Variants in MICAL2 observed in about 807,000 individuals in gnomAD.
MICAL2 encodes the protein microtubule associated monooxygenase, calponin and LIM domain containing 2, also known as [F-actin]-monooxygenase MICAL2.
In MICAL2, 77 loss-of-function variants were observed where a neutral mutation model predicts 127.3. The ratio of observed to expected loss-of-function variants is 0.60; its 90% CI spans 0.50 to 0.73. The LOEUF (loss-of-function observed/expected upper bound fraction) is 0.73, where lower values mean the gene tolerates loss of function less well. Among genes scored for constraint, MICAL2 ranks in the 30% least tolerant of loss-of-function variants. The pLI, the probability that MICAL2 is intolerant of heterozygous loss-of-function variation, is 0.00. For missense variants in MICAL2, 1,351 were observed against 1,434.4 expected, an observed-to-expected ratio of 0.94 and a Z score of 0.94; for synonymous variants, 570 against 551.1, an observed-to-expected ratio of 1.03 and a Z score of -0.48.
At chr11:12,141,274 C>T (rs966919197) in intron 2 of MICAL2, among the ~76,000 whole-genome samples, 1 of 152,174 alleles carries the variant, frequency 6.6e-6, no homozygotes, top group Non-Finnish European at 1.5e-5. Context: ...GGGCGAGTCA[C>T]AGAACCTCAG....
At chr11:12,175,332 C>G (rs1396069183) in intron 3 of MICAL2, among the ~76,000 whole-genome samples, 1 of 151,910 alleles carries the variant, frequency 6.6e-6, no homozygotes, top group Non-Finnish European at 1.5e-5. Flanking sequence ...AAAAATTAGC[C>G]AGGCGTGGTG....
chr11:12,352,951 C>T (rs753973528), intron 33 of MICAL2, among the ~76,000 whole-genome samples: 30 of 152,162 alleles, frequency 2.0e-4, no homozygotes, highest in African/African-American at 9.7e-5. Flanking sequence ...CCTCTCTGCC[C>T]AGTCTGCATG....
intron 3 of MICAL2, among the ~76,000 whole-genome samples, chr11:12,163,360 G>A (rs1294979564): frequency 1.3e-5 from 2 of 152,222 alleles, no homozygotes; most frequent in Non-Finnish European, 2.9e-5. Flanking sequence ...CCTCACAGGA[G>A]GTAGCTCAGC....
chr11:12,156,117 A>C (rs905011425), intron 2 of MICAL2, among the ~76,000 whole-genome samples: 2 of 152,230 alleles, frequency 1.3e-5, no homozygotes, highest in African/African-American at 4.8e-5. Flanking sequence ...CAGGGCCTGC[A>C]GTGGACCTGG....
At chr11:12,347,733 A>G (rs1053720424) in intron 32 of MICAL2, among the ~76,000 whole-genome samples, 17 of 152,244 alleles carry the variant, frequency 1.1e-4, no homozygotes, top group African/African-American at 4.1e-4. Context: ...TAGAAATTAT[A>G]TAACGTATAC....
At chr11:12,139,804 T>C (rs1852176723) in intron 2 of MICAL2, among the ~76,000 whole-genome samples, 1 of 152,280 alleles carries the variant, frequency 6.6e-6, no homozygotes, top group South Asian at 2.1e-4. Flanking sequence ...TTGTCTGAAA[T>C]GTGTAGGGAG....
At chr11:12,306,130 T>G (rs1364381665) in intron 29 of MICAL2, among the ~76,000 whole-genome samples, 2 of 152,198 alleles carry the variant, frequency 1.3e-5, no homozygotes, top group Admixed American at 1.3e-4. Flanking sequence ...AACACATACA[T>G]GTAATAGGAG....
In MICAL2 at chr11:12,209,530, A is replaced by G; in HGVS notation, c.623A>G (p.Asp208Gly). Residue 208 changes from aspartate (D) to glycine (G), a missense_variant, in exon 6 of 28, where the codon GAC (aspartate) becomes GGC (glycine). Transcript: ENST00000683283. ...TGGCGGGCAGAATTTCTCCCTACAG[A>G]CCATTCTCTGTCGGAGTTTGAGTTT... is the stretch of plus-strand genomic sequence containing the variant. The part of the protein sequence containing the change: ...IGWRAEFLPT[D>G]HSLSEFEFDV... The G allele has an allele frequency of 6.2e-7, 1 of 1,613,990 alleles. No homozygotes were observed.
At chr11:12,221,817 G>A in intron 10 of MICAL2, 58 bp downstream of exon 10, 3 of 1,414,302 alleles carry the variant, frequency 2.1e-6, no homozygotes, top group Admixed American at 1.7e-5. Context: ...CAGGAAAGGG[G>A]GCAAGATCAC....
intron 31 of MICAL2, among the ~76,000 whole-genome samples, chr11:12,326,227 C>G (rs1864351953): frequency 6.6e-6 from 1 of 152,180 alleles, no homozygotes; most frequent in Non-Finnish European, 1.5e-5. Flanking sequence ...CACAGGCATT[C>G]TGTCTGCCCA....
chr11:12,235,114 A>G (rs1273034637), intron 15 of MICAL2, among the ~76,000 whole-genome samples: 1 of 152,148 alleles, frequency 6.6e-6, no homozygotes, highest in Non-Finnish European at 1.5e-5. Flanking sequence ...GGTAGCAGAG[A>G]GGTCTTACCC....
chr11:12,350,838 T>C (rs752953433), intron 33 of MICAL2, among the ~76,000 whole-genome samples: 4 of 152,202 alleles, frequency 2.6e-5, no homozygotes, highest in Non-Finnish European at 4.4e-5. Context: ...CAGAAATTTA[T>C]TCTCTCACTG....
chr11:12,114,169 C>G (rs1405155307), intron 1 of MICAL2, among the ~76,000 whole-genome samples: 4 of 152,214 alleles, frequency 2.6e-5, no homozygotes, highest in Non-Finnish European at 4.4e-5. Context: ...TTGGCTTCCT[C>G]TCTCTCTTTT....
chr11:12,261,493 G>C (rs1863104336), intron 26 of MICAL2: 2 of 985,476 alleles, frequency 2.0e-6, no homozygotes, highest in Non-Finnish European at 2.4e-6. Flanking sequence ...ACAGCTGCAG[G>C]GTCTGGCTGA....
downstream of MICAL2, chr11:12,293,533 A>G (rs775143156): frequency 1.4e-4 from 214 of 1,544,482 alleles, no homozygotes; most frequent in Non-Finnish European, 1.8e-4. Context: ...ATTTTTAAAT[A>G]ACTGCTATTT....
chr11:12,113,511 G>C (rs1849761598), intron 1 of MICAL2, among the ~76,000 whole-genome samples: 1 of 152,250 alleles, frequency 6.6e-6, no homozygotes, highest in Non-Finnish European at 1.5e-5. Context: ...CACTCTGGAG[G>C]CTTGGCAGGC....
rs182115412 is a variant in MICAL2 at position 12,111,478 on chromosome 11, G to C, written c.-149+752G>C. ...CGCTGCCGGGCCAGACGGGGCAGGT[G>C]GGGTAAATTGTATTCACCGCCAGCC... On this transcript the variant is annotated intron_variant, in intron 1 of 27. Transcript: ENST00000683283. 3.9e-4 allele frequency among the ~76,000 whole-genome samples: 59 copies of C among 152,360 alleles called. 1 individual carries two copies. Among genetic ancestry groups the C allele is most frequent in the South Asian group, 2.1e-3 (10 of 4,832 alleles).
rs112205311 is a variant in MICAL2 at position 12,158,912 on chromosome 11, C to T, written c.-77-3167C>T. ...TCTAAATATTCTGATGTTAATCCCA[C>T]GAGGAAAGCTACCCGCCATGGGTGT... On this transcript the variant is annotated intron_variant, in intron 2 of 27. Transcript: ENST00000683283. Among the ~76,000 whole-genome samples, 705 of 152,298 alleles carry T rather than the reference C, an allele frequency of 4.6e-3. 11 individuals are homozygous for T. Among genetic ancestry groups the T allele is most frequent in the African/African-American group, 0.015 (605 of 41,566 alleles).
At chr11:12,303,300 TC>T (rs1565299586) in intron 29 of MICAL2, among the ~76,000 whole-genome samples, 3 of 152,236 alleles carry the variant, frequency 2.0e-5, no homozygotes, top group African/African-American at 7.2e-5. Flanking sequence ...ATGTAGATGT[TC>T]TCGCTTACCT....
Sources: gnomAD v4.1 joint callset for allele counts (sites outside exome capture counted in the v4.1 genomes callset) on GRCh38, gnomAD v4.1.1 for gene constraint, MANE v1.5 for transcripts, NCBI Gene and HGNC (gene_info 2026-07-23, HGNC 2026-07-21) for gene names.